The following SPART variants were observed in gnomAD, a reference collection of about 807,000 sequenced individuals.
The protein encoded by SPART is spastic paraplegia 20 (Troyer syndrome).
SPART carries 35 observed loss-of-function variants against 58.7 expected under a neutral mutation model. The observed-to-expected ratio is 0.60, with a 90% CI of 0.46 to 0.79. The LOEUF is 0.79. Ranked by LOEUF, SPART falls within the 30% of genes least tolerant of loss-of-function variation. SPART has a pLI of 0.00. For synonymous variants in SPART, 284 were observed against 280.7 expected (o/e 1.01, Z -0.12); for missense variants, 730 against 786.1 (o/e 0.93, Z 0.85).
intron 5 of SPART, among the ~76,000 whole-genome samples, chr13:36,324,149 C>A (rs1405094248): frequency 1.3e-5 from 2 of 152,254 alleles, no homozygotes; most frequent in East Asian, 3.8e-4. Flanking sequence ...TCTTGACATT[C>A]TTCCCAGAGG....
chr13:36,305,889 C>A (rs1441063343), intron 8 of SPART, among the ~76,000 whole-genome samples: 1 of 152,130 alleles, frequency 6.6e-6, no homozygotes, highest in African/African-American at 2.4e-5. Flanking sequence ...TGCTTTATGA[C>A]CTATATCTGG....
chr13:36,338,879 C>A (rs942738572), intron 1 of SPART, among the ~76,000 whole-genome samples: 1 of 152,014 alleles, frequency 6.6e-6, no homozygotes, highest in African/African-American at 2.4e-5. Flanking sequence ...CTAAGGAAAA[C>A]TGTCCAAGCA....
At chr13:36,329,565 A>G (rs1308240814) in intron 3 of SPART, 48 bp from the exon 4 acceptor site, 2 of 1,588,666 alleles carry the variant, frequency 1.3e-6, no homozygotes, top group African/African-American at 1.3e-5. Flanking sequence ...TTTTTCTTAG[A>G]TGGCTTTCTG....
intron 6 of SPART, among the ~76,000 whole-genome samples, chr13:36,313,611 C>G (rs1386763537): frequency 6.6e-6 from 1 of 152,156 alleles, no homozygotes; most frequent in Non-Finnish European, 1.5e-5. Context: ...ATTCTTGCTG[C>G]ACCTTTTCTA....
In SPART at chr13:36,304,629, G is replaced by A. The variant is rs780163312; in HGVS notation, c.1737C>T (p.Tyr579=). Residue 579 remains tyrosine, a synonymous_variant, in exon 9 of 9, where the codon TAC becomes TAT. Coordinates refer to ENST00000438666, the MANE Select transcript of SPART (RefSeq NM_015087.5). ...GGGTAGCTTCTCCTGCATTATATCC[G>A]TATCTTTAAAAGAAAGATTAGAGGA... ...AETVQTVRYK[Y]GYNAGEATHH... is the part of the protein sequence containing the mutation. 15 of 1,613,492 alleles carry A rather than the reference G, an allele frequency of 9.3e-6. No individual in the cohort carries two copies. The highest frequency in any genetic ancestry group is 1.3e-5 in the African/African-American group (1 of 74,858).
chr13:36,318,796 G>A (rs543337089), intron 5 of SPART, among the ~76,000 whole-genome samples: 1 of 152,128 alleles, frequency 6.6e-6, no homozygotes, highest in African/African-American at 2.4e-5. Context: ...ATCTGTGTGG[G>A]ACCCCACTGA....
intron 5 of SPART, chr13:36,326,290 C>T: frequency 7.6e-6 from 3 of 396,542 alleles, no homozygotes; most frequent in South Asian, 6.9e-5. Flanking sequence ...ACGAACATAA[C>T]TAATTTTAGA....
At chr13:36,330,884 GCCAACCATACCCCTTAAAATGT>G (rs1883393424) in intron 3 of SPART, among the ~76,000 whole-genome samples, 1 of 152,080 alleles carries the variant, frequency 6.6e-6, no homozygotes, top group Admixed American at 6.5e-5. Flanking sequence ...TCCTCAGAAT[GCCAACCATACCCCTTAAAATGT>G]CCAACATAAC....
chr13:36,329,510 C>T lies in SPART; in HGVS notation c.1016G>A (p.Trp339Ter). 1 of 1,614,080 alleles carries T rather than the reference C, an allele frequency of 6.2e-7. No individual in the cohort carries two copies. Among genetic ancestry groups the T allele is most frequent in the East Asian group, 2.2e-5 (1 of 44,864 alleles). ...QMSDLRLQAN[W>*]NRAEEENEFQ... Reference sequence around the variant, plus strand: ...TTCATTTTCTTCTTCTGCTCTGTTCCAGTTGGCCTAGAGAATAAAGGTTTA... The same window carrying T: ...TTCATTTTCTTCTTCTGCTCTGTTCTAGTTGGCCTAGAGAATAAAGGTTTA... The change falls in exon 4 of 9, where the codon TGG (tryptophan) becomes TAG (stop). Residue 339 changes from tryptophan (W) to a stop codon, truncating the protein, a stop_gained. Transcript: ENST00000438666. LOFTEE classifies it high-confidence loss of function.
At chr13:36,318,157 C>T (rs1881939834) in intron 5 of SPART, among the ~76,000 whole-genome samples, 1 of 152,108 alleles carries the variant, frequency 6.6e-6, no homozygotes, top group African/African-American at 2.4e-5. Flanking sequence ...CCAATTCTTC[C>T]TCAGCCTCTG....
At chr13:36,367,959 AC>A (rs1886131358) in intron 1 of SPART, among the ~76,000 whole-genome samples, 1 of 152,218 alleles carries the variant, frequency 6.6e-6, no homozygotes, top group Admixed American at 6.5e-5. Flanking sequence ...AATTTAAGTC[AC>A]ACAATTTATT....
chr13:36,306,498 C>A (rs1013214888), intron 8 of SPART, among the ~76,000 whole-genome samples: 3 of 152,174 alleles, frequency 2.0e-5, no homozygotes. Context: ...CAACATAACT[C>A]ACAGTCATGT....
chr13:36,363,826 A>G (rs1885958247), intron 1 of SPART, among the ~76,000 whole-genome samples: 1 of 152,082 alleles, frequency 6.6e-6, no homozygotes, highest in African/African-American at 2.4e-5. Context: ...ATACTATAAT[A>G]AGATGCACAA....
intron 5 of SPART, among the ~76,000 whole-genome samples, chr13:36,317,120 T>C (rs979978753): frequency 1.3e-5 from 2 of 152,188 alleles, no homozygotes; most frequent in East Asian, 3.9e-4. Context: ...CAGCCTTCCC[T>C]TGACCTTTAA....
At chr13:36,310,370 A>G (rs1028587636) in intron 8 of SPART, among the ~76,000 whole-genome samples, 3 of 152,046 alleles carry the variant, frequency 2.0e-5, no homozygotes, top group African/African-American at 7.2e-5. Context: ...TATTTTTTAG[A>G]CCTTGATTCT....
Position 36,344,742 on chromosome 13 carries a change from A to G in SPART, c.-3+1483T>C, listed in dbSNP as rs191552883. Reference sequence around the variant, plus strand: ...AATCAAGTGTCCTGAAAAGATAAAAACCATTATCACATTATTTCACATTAT... The same window carrying G: ...AATCAAGTGTCCTGAAAAGATAAAAGCCATTATCACATTATTTCACATTAT... On this transcript the variant is annotated intron_variant, in intron 1 of 8. Transcript: ENST00000438666. Among the ~76,000 whole-genome samples the G allele has an allele frequency of 7.8e-4, 119 of 152,264 alleles. 1 individual carries two copies. Among genetic ancestry groups the G allele is most frequent in the African/African-American group, 2.6e-3 (108 of 41,552 alleles).
chr13:36,334,076 C>T (rs1883724829), intron 2 of SPART, among the ~76,000 whole-genome samples: 1 of 152,100 alleles, frequency 6.6e-6, no homozygotes, highest in Admixed American at 6.5e-5. Flanking sequence ...ATTACTAAAC[C>T]ACATTATTTG....
intron 8 of SPART, among the ~76,000 whole-genome samples, chr13:36,308,045 C>T (rs1032530545): frequency 5.9e-5 from 9 of 152,094 alleles, no homozygotes; most frequent in Non-Finnish European, 5.9e-5. Flanking sequence ...GATTTGAGTA[C>T]TCCACAAATG....
intron 1 of SPART, among the ~76,000 whole-genome samples, chr13:36,362,310 C>G (rs943879196): frequency 6.8e-6 from 1 of 147,584 alleles, no homozygotes; most frequent in Admixed American, 6.8e-5. Context: ...TGCAATTACG[C>G]CACTGCACTC....
Sources: allele counts gnomAD v4.1 joint callset (sites outside exome capture counted in the v4.1 genomes callset), GRCh38; gene constraint gnomAD v4.1.1; transcripts MANE v1.5; gene names NCBI Gene and HGNC (gene_info 2026-07-23, HGNC 2026-07-21).